Variants in DLGAP2 observed in about 807,000 individuals in gnomAD.
The protein encoded by DLGAP2 is DLG associated protein 2, also known as disks large-associated protein 2.
In DLGAP2, 26 loss-of-function variants were observed where a neutral mutation model predicts 100.3. That is an observed-to-expected ratio of 0.26 (90% CI 0.19 to 0.36). The LOEUF (loss-of-function observed/expected upper bound fraction) is 0.36, where lower values mean the gene tolerates loss of function less well. Among genes scored for constraint, DLGAP2 ranks in the 10% least tolerant of loss-of-function variants. The pLI is 1.00. For synonymous variants in DLGAP2, 886 were observed against 630.1 expected, an observed-to-expected ratio of 1.41 and a Z score of -6.08; for missense variants, 1,858 against 1,453.2, an observed-to-expected ratio of 1.28 and a Z score of -4.53.
intron 3 of DLGAP2, among the ~76,000 whole-genome samples, chr8:1,305,013 C>G (rs1044262068): frequency 1.3e-5 from 2 of 152,206 alleles, no homozygotes; most frequent in Non-Finnish European, 2.9e-5. Flanking sequence ...CAGGAGGTAT[C>G]ATACATGGTT....
intron 2 of DLGAP2, among the ~76,000 whole-genome samples, chr8:1,072,301 C>T (rs139429810): frequency 1.2e-4 from 19 of 152,256 alleles, no homozygotes; most frequent in Admixed American, 5.9e-4. Context: ...ATTGTAATAA[C>T]ATTTTGGAAA....
intron 1 of DLGAP2, among the ~76,000 whole-genome samples, chr8:794,857 T>C (rs939740070): frequency 6.6e-6 from 1 of 152,156 alleles, no homozygotes; most frequent in African/African-American, 2.4e-5. Flanking sequence ...AACTGTTTGC[T>C]GGCCTGTGGG....
intron 2 of DLGAP2, among the ~76,000 whole-genome samples, chr8:940,998 C>T (rs550887636): frequency 6.6e-6 from 1 of 152,324 alleles, no homozygotes; most frequent in South Asian, 2.1e-4. Flanking sequence ...CCCCACCCAT[C>T]TACAGGTTTT....
chr8:1,262,098 CT>C (rs1799362697), intron 3 of DLGAP2, among the ~76,000 whole-genome samples: 1 of 152,216 alleles, frequency 6.6e-6, no homozygotes, highest in East Asian at 1.9e-4. Flanking sequence ...GTGAGAGCTA[CT>C]TCTTTGGATA....
At chr8:860,934 G>C (rs1276264704) in intron 1 of DLGAP2, among the ~76,000 whole-genome samples, 2 of 152,190 alleles carry the variant, frequency 1.3e-5, no homozygotes, top group African/African-American at 4.8e-5. Context: ...TAGGAAGGCT[G>C]CTCGTGACCT....
In DLGAP2 at chr8:1,701,429, C is replaced by T. The variant is rs569741933; in HGVS notation, c.*23C>T. Reference sequence around the variant, plus strand: ...TGAGGGCGGAGGCCGGCGCCTTCCCCTCGTCGCTTCCGCTTTCCCGGACGC... The same window carrying T: ...TGAGGGCGGAGGCCGGCGCCTTCCCTTCGTCGCTTCCGCTTTCCCGGACGC... On this transcript the variant is annotated 3_prime_UTR_variant, in exon 15 of 15. Transcript: ENST00000637795. 3.0e-5 allele frequency: 46 copies of T among 1,557,406 alleles called. No homozygotes were observed. In the African/African-American group the frequency reaches 4.4e-4, roughly 15 times the overall value.
chr8:1,699,057 G>A (rs954493587), intron 14 of DLGAP2, among the ~76,000 whole-genome samples: 1 of 152,250 alleles, frequency 6.6e-6, no homozygotes, highest in Non-Finnish European at 1.5e-5. Flanking sequence ...AGGTGAAGGA[G>A]ATGATCAGTG....
At chr8:1,074,476 C>G (rs9314422) in intron 2 of DLGAP2, among the ~76,000 whole-genome samples, 23 of 152,154 alleles carry the variant, frequency 1.5e-4, no homozygotes, top group Admixed American at 1.5e-3. Flanking sequence ...GAAACCCTTT[C>G]ATGTGGGACA....
chr8:857,181 C>T (rs1181669385), intron 1 of DLGAP2, among the ~76,000 whole-genome samples: 2 of 152,124 alleles, frequency 1.3e-5, no homozygotes, highest in Non-Finnish European at 2.9e-5. Context: ...ACAAAATGAA[C>T]CCAGAACCAG....
intron 12 of DLGAP2, among the ~76,000 whole-genome samples, chr8:1,683,446 G>C (rs2472114): frequency 6.6e-6 from 1 of 151,478 alleles, no homozygotes; most frequent in African/African-American, 2.4e-5. Context: ...TGACCTCACA[G>C]AGCCTTCTGT....
intron 2 of DLGAP2, among the ~76,000 whole-genome samples, chr8:1,098,703 C>T (rs1804478506): frequency 7.6e-6 from 1 of 131,816 alleles, no homozygotes; most frequent in Non-Finnish European, 1.6e-5. Flanking sequence ...CCACCCACGC[C>T]AGGCTCCCGG....
In DLGAP2 at chr8:1,296,878, A is replaced by G. The variant is rs141056996; in HGVS notation, c.106+37995A>G. On this transcript the variant is annotated intron_variant, in intron 3 of 14. Coordinates refer to ENST00000637795, the MANE Select transcript of DLGAP2 (RefSeq NM_001346810.2). Reference sequence around the variant, plus strand: ...GGGGATGTTTCATGCGGGGCTCAGAAAGGCCGGGCTGGAATCCTGAGTCTG... The same window carrying G: ...GGGGATGTTTCATGCGGGGCTCAGAGAGGCCGGGCTGGAATCCTGAGTCTG... 1.3e-3 allele frequency among the ~76,000 whole-genome samples: 200 copies of G among 152,282 alleles called. 3 individuals carry two copies. Among genetic ancestry groups the G allele is most frequent in the African/African-American group, 4.5e-3 (187 of 41,554 alleles).
At chr8:880,216 CTCCG>C (rs1221375831) in intron 1 of DLGAP2, among the ~76,000 whole-genome samples, 1 of 152,210 alleles carries the variant, frequency 6.6e-6, no homozygotes, top group Non-Finnish European at 1.5e-5. Context: ...AGGTTTGTTC[CTCCG>C]TCCCTCTTTT....
At chr8:1,306,757 A>C (rs1296608373) in intron 3 of DLGAP2, among the ~76,000 whole-genome samples, 1 of 152,190 alleles carries the variant, frequency 6.6e-6, no homozygotes, top group East Asian at 1.9e-4. Context: ...TATATTGTCA[A>C]ATGATTTCTG....
chr8:926,186 C>T (rs1798811663), intron 2 of DLGAP2, among the ~76,000 whole-genome samples: 1 of 152,130 alleles, frequency 6.6e-6, no homozygotes, highest in South Asian at 2.1e-4. Context: ...ATGAAGCCGA[C>T]TTCCAGAGCC....
At chr8:1,668,820 C>A (rs572176587) in intron 9 of DLGAP2, 142 bp downstream of exon 9, 2 of 845,402 alleles carry the variant, frequency 2.4e-6, no homozygotes, top group South Asian at 1.9e-5. Context: ...GAGAGCAGGG[C>A]TGTGCGTTCG....
At chr8:1,062,292 C>A (rs1224555505) in intron 2 of DLGAP2, among the ~76,000 whole-genome samples, 1 of 152,164 alleles carries the variant, frequency 6.6e-6, no homozygotes, top group Non-Finnish European at 1.5e-5. Context: ...TGCTGCAGTG[C>A]CTGGTTTGCA....
intron 1 of DLGAP2, among the ~76,000 whole-genome samples, chr8:786,588 C>T (rs1180682788): frequency 2.6e-5 from 4 of 152,014 alleles, no homozygotes; most frequent in African/African-American, 9.7e-5. Flanking sequence ...ACGCACAGTT[C>T]CCTCAGAGAC....
intron 3 of DLGAP2, among the ~76,000 whole-genome samples, chr8:1,471,621 C>T (rs1798795794): frequency 6.6e-6 from 1 of 151,832 alleles, no homozygotes; most frequent in Non-Finnish European, 1.5e-5. Context: ...ACAGCCCACT[C>T]ATCCCTGAAT....
Sources: gnomAD v4.1 joint callset for allele counts (sites outside exome capture counted in the v4.1 genomes callset) on GRCh38, gnomAD v4.1.1 for gene constraint, MANE v1.5 for transcripts, NCBI Gene and HGNC (gene_info 2026-07-23, HGNC 2026-07-21) for gene names.